ATE1: variants seen among roughly 807,000 people sequenced by gnomAD.
The protein encoded by ATE1 is arginyltransferase 1.
In ATE1, 36 loss-of-function variants were observed where a neutral mutation model predicts 70.5. The ratio of observed to expected loss-of-function variants is 0.51; its 90% confidence interval spans 0.39 to 0.67. ATE1 has a LOEUF of 0.67. Ranked by LOEUF, ATE1 falls within the 30% of genes least tolerant of loss-of-function variation. ATE1 has a pLI of 0.00. For synonymous variants in ATE1, 232 were observed against 219.3 expected, an observed-to-expected ratio of 1.06 and a Z score of -0.51; for missense variants, 593 against 629.5, an observed-to-expected ratio of 0.94 and a Z score of 0.62.
chr10:121,869,466 A>G (rs138456304), intron 8 of ATE1, among the ~76,000 whole-genome samples: 5 of 152,338 alleles, frequency 3.3e-5, no homozygotes, highest in African/African-American at 1.2e-4. Context: ...TCAGTTCTAC[A>G]TTGAAAACCA....
chr10:121,836,000 T>C (rs781157017), intron 10 of ATE1, among the ~76,000 whole-genome samples: 5 of 152,170 alleles, frequency 3.3e-5, no homozygotes, highest in Admixed American at 2.6e-4. Context: ...GTGCCTAATT[T>C]AGGTACCTTA....
chr10:121,857,082 T>G (rs1949276868), intron 8 of ATE1, among the ~76,000 whole-genome samples: 1 of 152,242 alleles, frequency 6.6e-6, no homozygotes, highest in South Asian at 2.1e-4. Context: ...CTTTTTTATT[T>G]TTATTGTTTA....
intron 9 of ATE1, 38 bp from the exon 10 acceptor site, chr10:121,836,855 T>G (rs1948452340): frequency 7.8e-7 from 1 of 1,289,008 alleles, no homozygotes; most frequent in South Asian, 1.3e-5. Context: ...AGGCAGTTAA[T>G]TCTGGTTCTA....
chr10:121,876,959 C>T (rs1348063577), intron 7 of ATE1, among the ~76,000 whole-genome samples: 14 of 148,240 alleles, frequency 9.4e-5, no homozygotes, highest in South Asian at 2.1e-4. Flanking sequence ...GAGCGACACT[C>T]CAGTCTCAAA....
intron 10 of ATE1, among the ~76,000 whole-genome samples, chr10:121,829,612 G>A (rs1484321105): frequency 6.6e-6 from 1 of 151,750 alleles, no homozygotes; most frequent in African/African-American, 2.4e-5. Flanking sequence ...CAGAGGCTGA[G>A]GCAGAGAATT....
intron 11 of ATE1, among the ~76,000 whole-genome samples, chr10:121,752,334 C>T (rs137888454): frequency 0.032 from 4,805 of 150,704 alleles, 94 homozygotes; most frequent in Middle Eastern, 0.087. Flanking sequence ...GGGTTCATGC[C>T]ATTCTCCTGC....
At chr10:121,882,393 A>G (rs1950255469) in intron 7 of ATE1, among the ~76,000 whole-genome samples, 1 of 152,208 alleles carries the variant, frequency 6.6e-6, no homozygotes, top group Non-Finnish European at 1.5e-5. Flanking sequence ...AGTTCCTAAT[A>G]ACATCATCCA....
chr10:121,910,190 C>A (rs966278936), intron 5 of ATE1, among the ~76,000 whole-genome samples: 1 of 152,118 alleles, frequency 6.6e-6, no homozygotes, highest in African/African-American at 2.4e-5. Context: ...ACATGTGTAA[C>A]ATAGTTTAGA....
chr10:121,827,473 A>T (rs1159063871), intron 10 of ATE1, among the ~76,000 whole-genome samples: 1 of 152,168 alleles, frequency 6.6e-6, no homozygotes, highest in Admixed American at 6.5e-5. Flanking sequence ...AGAAAACCAC[A>T]CTACCCCTCC....
At chr10:121,796,029 A>G (rs1946646153) in intron 10 of ATE1, among the ~76,000 whole-genome samples, 1 of 152,190 alleles carries the variant, frequency 6.6e-6, no homozygotes, top group African/African-American at 2.4e-5. Context: ...AATAAGAAGA[A>G]ATGAGTTACC....
intron 11 of ATE1, among the ~76,000 whole-genome samples, chr10:121,763,789 A>G (rs141856731): frequency 0.025 from 3,850 of 152,182 alleles, 176 homozygotes; most frequent in East Asian, 0.23. Context: ...TGAGGTGGGC[A>G]GATCACTTGA....
rs375095340 is a variant in ATE1, at chr10:121,743,652, C to T, written c.*28G>A. 1.9e-6 allele frequency: 3 copies of T among 1,575,110 alleles called. No homozygotes were observed. The highest frequency in any genetic ancestry group is 1.7e-6 in the Non-Finnish European group (2 of 1,161,854). ...CCTGGCACAAATCATCAGCACAACA[C>T]AGGAACTTCCCGGCAGAGGTGAACA... On this transcript the variant is annotated 3_prime_UTR_variant, in exon 12 of 12. Transcript: ENST00000224652.
At chr10:121,911,508 C>T (rs1450609101) in intron 4 of ATE1, among the ~76,000 whole-genome samples, 1 of 150,876 alleles carries the variant, frequency 6.6e-6, no homozygotes, top group Non-Finnish European at 1.5e-5. Flanking sequence ...AGTCCCTTTA[C>T]AAGTGGTGAC....
At chr10:121,745,502 G>A (rs1193779420) in intron 11 of ATE1, among the ~76,000 whole-genome samples, 2 of 151,958 alleles carry the variant, frequency 1.3e-5, no homozygotes, top group African/African-American at 2.4e-5. Flanking sequence ...AAATCACGAG[G>A]TCAGGAGATC....
rs372298939 is a variant in ATE1, at chr10:121,769,398, A to G, written c.1378+20771T>C. On this transcript the variant is annotated intron_variant, in intron 11 of 11. Coordinates refer to ENST00000224652, the MANE Select transcript of ATE1 (RefSeq NM_001001976.3). ...CATTTTACACAAAACTTAAACCCAA[A>G]TGGATGGATCATAGATTTAAATGTA... 7.9e-5 allele frequency among the ~76,000 whole-genome samples: 12 copies of G among 152,308 alleles called. No homozygotes were observed. In the South Asian group the frequency reaches 2.5e-3, roughly 32 times the overall value.
chr10:121,898,359 C>T (rs1345872874), intron 7 of ATE1, among the ~76,000 whole-genome samples: 1 of 152,162 alleles, frequency 6.6e-6, no homozygotes, highest in Admixed American at 6.5e-5. Flanking sequence ...GATGATTCTG[C>T]TTAACTGCAG....
intron 10 of ATE1, among the ~76,000 whole-genome samples, chr10:121,797,652 T>G (rs757145400): frequency 6.6e-6 from 1 of 151,320 alleles, no homozygotes; most frequent in Non-Finnish European, 1.5e-5. Flanking sequence ...GCACGGCCCA[T>G]GTTACCCTTC....
At chr10:121,907,598 C>A (rs1406756397) in intron 5 of ATE1, among the ~76,000 whole-genome samples, 1 of 151,884 alleles carries the variant, frequency 6.6e-6, no homozygotes. Context: ...CACGGTGAAA[C>A]CCCATCTCTA....
At chr10:121,780,623 A>G (rs1945943381) in intron 11 of ATE1, among the ~76,000 whole-genome samples, 1 of 152,208 alleles carries the variant, frequency 6.6e-6, no homozygotes, top group African/African-American at 2.4e-5. Context: ...CCTTATCATG[A>G]TTTACAAACC....
Sources: allele counts gnomAD v4.1 joint callset (sites outside exome capture counted in the v4.1 genomes callset), GRCh38; gene constraint gnomAD v4.1.1; transcripts MANE v1.5; gene names NCBI Gene and HGNC (gene_info 2026-07-23, HGNC 2026-07-21).